The following AUTS2 variants were observed in gnomAD, a reference collection of about 807,000 sequenced individuals.
The protein encoded by AUTS2 is activator of transcription and developmental regulator AUTS2, also known as autism susceptibility gene 2 protein.
Under a neutral mutation model 112.4 loss-of-function variants are expected in AUTS2, and 17 were observed. The observed-to-expected ratio is 0.15, with a 90% confidence interval of 0.10 to 0.23. The LOEUF (loss-of-function observed/expected upper bound fraction) is 0.23, where lower values mean the gene tolerates loss of function less well. Among genes scored for constraint, AUTS2 ranks in the 10% least tolerant of loss-of-function variants. The pLI, the probability that AUTS2 is intolerant of heterozygous loss-of-function variation, is 1.00. For synonymous variants in AUTS2, 751 were observed against 702.7 expected, an observed-to-expected ratio of 1.07 and a Z score of -1.09; for missense variants, 1,510 against 1,701.6, an observed-to-expected ratio of 0.89 and a Z score of 1.98.
At position 70,087,354 on chromosome 7, in the gene AUTS2, G is replaced by A. The variant is rs111354950; in HGVS notation, c.523-30778G>A. On this transcript the variant is annotated intron_variant, in intron 2 of 18. Coordinates refer to ENST00000342771, the MANE Select transcript of AUTS2 (RefSeq NM_015570.4). ...GTATATATATAGTTGAACTTAATTA[G>A]CCTGTCATTTTCTTTTTCTTTTTTT... Among the ~76,000 whole-genome samples, 229 of 149,252 alleles carry A rather than the reference G, an allele frequency of 1.5e-3. 5 individuals carry two copies. The highest frequency in any genetic ancestry group is 5.3e-3 in the African/African-American group (214 of 40,730).
chr7:69,899,247 G>A (rs1167889632), intron 1 of AUTS2, 39 bp from the exon 2 acceptor site: 1 of 1,520,486 alleles, frequency 6.6e-7, no homozygotes, highest in African/African-American at 1.4e-5. Flanking sequence ...AGATACCTTT[G>A]TAACCACCAC....
chr7:70,064,011 A>G (rs1305162312), intron 2 of AUTS2, among the ~76,000 whole-genome samples: 1 of 152,222 alleles, frequency 6.6e-6, no homozygotes, highest in African/African-American at 2.4e-5. Flanking sequence ...TCAGGATCAG[A>G]CTAGAAGGCG....
chr7:70,744,169 A>G (rs1195274448), intron 6 of AUTS2, among the ~76,000 whole-genome samples: 1 of 152,162 alleles, frequency 6.6e-6, no homozygotes, highest in Non-Finnish European at 1.5e-5. Context: ...TTCAACTGCA[A>G]TCGTTTGTCC....
At chr7:70,617,224 CACTT>C (rs1277436819) in intron 5 of AUTS2, among the ~76,000 whole-genome samples, 2 of 152,168 alleles carry the variant, frequency 1.3e-5, no homozygotes, top group Admixed American at 6.5e-5. Flanking sequence ...TCCTTGCAGA[CACTT>C]ACTTCGCATG....
intron 4 of AUTS2, among the ~76,000 whole-genome samples, chr7:70,378,641 A>G (rs1200512712): frequency 6.6e-6 from 1 of 152,246 alleles, no homozygotes; most frequent in Non-Finnish European, 1.5e-5. Flanking sequence ...TTCAGAGACC[A>G]TGTTTGTAGA....
chr7:70,154,964 G>A (rs1372643480), intron 4 of AUTS2, among the ~76,000 whole-genome samples: 1 of 152,136 alleles, frequency 6.6e-6, no homozygotes, highest in Non-Finnish European at 1.5e-5. Flanking sequence ...GAGCCCCCCT[G>A]GGACCTGCTT....
chr7:70,743,468 C>CAAAAAAAAA (rs35444664), intron 6 of AUTS2, among the ~76,000 whole-genome samples: 1 of 71,246 alleles, frequency 1.4e-5, no homozygotes, highest in Admixed American at 1.9e-4. Flanking sequence ...GACTCTGTCT[C>CAAAAAAAAA]AAAAAAAAAA....
chr7:70,181,318 G>A (rs1049336688), intron 4 of AUTS2, among the ~76,000 whole-genome samples: 5 of 152,126 alleles, frequency 3.3e-5, no homozygotes, highest in Admixed American at 6.5e-5. Context: ...GCACCTATTA[G>A]TGCTTGGCGT....
intron 4 of AUTS2, chr7:70,292,221 C>T (rs1788740250): frequency 6.6e-6 from 1 of 152,214 alleles, no homozygotes. Context: ...AGTCTCTGGT[C>T]AAATACTTTG....
intron 1 of AUTS2, among the ~76,000 whole-genome samples, chr7:69,812,595 C>T (rs1323069026): frequency 6.6e-6 from 1 of 152,118 alleles, no homozygotes. Flanking sequence ...TCAGGGATGC[C>T]CTTGGTGCGT....
intron 4 of AUTS2, among the ~76,000 whole-genome samples, chr7:70,433,917 C>T (rs1203017610): frequency 6.6e-6 from 1 of 152,198 alleles, no homozygotes; most frequent in Non-Finnish European, 1.5e-5. Flanking sequence ...GGAGCTTAAA[C>T]AATAAGGTAA....
intron 5 of AUTS2, among the ~76,000 whole-genome samples, chr7:70,646,581 C>T (rs1033821900): frequency 2.6e-5 from 4 of 152,240 alleles, no homozygotes; most frequent in Non-Finnish European, 5.9e-5. Flanking sequence ...GAGCCCACCG[C>T]CTCTGGCCCC....
intron 2 of AUTS2, among the ~76,000 whole-genome samples, chr7:69,992,565 A>G (rs1410789277): frequency 6.6e-6 from 1 of 152,140 alleles, no homozygotes; most frequent in Non-Finnish European, 1.5e-5. Flanking sequence ...GAATGTTTGA[A>G]AAGAAGCATG....
intron 1 of AUTS2, among the ~76,000 whole-genome samples, chr7:69,699,641 T>TG (rs1322354654): frequency 1.4e-5 from 2 of 145,310 alleles, no homozygotes; most frequent in East Asian, 2.0e-4. Flanking sequence ...GTGATAATGT[T>TG]TTTTTTTTTT....
chr7:69,669,408 A>G (rs1465306459), intron 1 of AUTS2, among the ~76,000 whole-genome samples: 5 of 152,078 alleles, frequency 3.3e-5, no homozygotes, highest in Admixed American at 6.6e-5. Context: ...TTGATTTATT[A>G]TATTGTAATA....
intron 2 of AUTS2, among the ~76,000 whole-genome samples, chr7:70,065,523 A>T (rs1474541728): frequency 3.3e-5 from 5 of 151,968 alleles, no homozygotes; most frequent in Non-Finnish European, 7.4e-5. Flanking sequence ...GTGAAACCCC[A>T]TCCCTACTGA....
chr7:70,791,209 C>A lies in AUTS2; in HGVS notation c.*213C>A. ...AGATCTTTTAGCCCAGTCATATGTT[C>A]TCACGTCTCCTACTTTTTGTTTCTC... On this transcript the variant is annotated 3_prime_UTR_variant, in exon 19 of 19. Transcript: ENST00000342771. 2.2e-6 allele frequency: 1 copy of A among 446,186 alleles called. No individual in the cohort carries two copies. Among genetic ancestry groups the A allele is most frequent in the East Asian group, 3.6e-5 (1 of 27,560 alleles). 27.6% of individuals were successfully genotyped at this position (446,186 alleles called of 1,614,324 possible).
rs185979076 is a variant in AUTS2, at chr7:70,680,325, A to C, written c.691-18244A>C. Among the ~76,000 whole-genome samples, 156 of 152,334 alleles carry C rather than the reference A, an allele frequency of 1.0e-3. 1 individual carries two copies. Among genetic ancestry groups the C allele is most frequent in the Middle Eastern group, 6.8e-3 (2 of 292 alleles). On this transcript the variant is annotated intron_variant, in intron 5 of 18. Transcript: ENST00000342771. ...ACTGGTGTGCATTTTAATGGTGAAG[A>C]AATAGTTACCTGACTTACCCAAAGT...
intron 4 of AUTS2, among the ~76,000 whole-genome samples, chr7:70,376,436 A>T (rs1471904095): frequency 6.6e-6 from 1 of 152,046 alleles, no homozygotes; most frequent in Admixed American, 6.6e-5. Context: ...AGGTTGTATA[A>T]AAATGGACTG....
Sources: gnomAD v4.1 joint callset for allele counts (sites outside exome capture counted in the v4.1 genomes callset) on GRCh38, gnomAD v4.1.1 for gene constraint, MANE v1.5 for transcripts, NCBI Gene and HGNC (gene_info 2026-07-23, HGNC 2026-07-21) for gene names.